CAMK2A: variants seen among roughly 807,000 people sequenced by gnomAD.
CAMK2A encodes the protein calcium/calmodulin-dependent protein kinase type II subunit alpha.
CAMK2A carries 7 observed loss-of-function variants against 79.2 expected under a neutral mutation model. The observed-to-expected ratio is 0.09, with a 90% CI of 0.05 to 0.17. The LOEUF is 0.17. Ranked by LOEUF, CAMK2A falls within the 10% of genes least tolerant of loss-of-function variation. The pLI is 1.00. For synonymous variants in CAMK2A, 242 were observed against 251.7 expected (o/e 0.96, Z 0.36); for missense variants, 214 against 646.4 (o/e 0.33, Z 7.25).
intron 1 of CAMK2A, among the ~76,000 whole-genome samples, chr5:150,283,075 G>C (rs1757280823): frequency 6.6e-6 from 1 of 152,242 alleles, no homozygotes; most frequent in African/African-American, 2.4e-5. Flanking sequence ...TCTTCTGTCT[G>C]CTAAAGCCCC....
rs1265803181 is a variant in CAMK2A, at chr5:150,223,351, T to C, written c.1238-134A>G. 2 of 685,060 alleles carry C rather than the reference T, an allele frequency of 2.9e-6. No homozygotes were observed. Among genetic ancestry groups the C allele is most frequent in the East Asian group, 2.7e-5 (1 of 36,900 alleles). 42.4% of individuals were successfully genotyped at this position (685,060 alleles called of 1,614,324 possible). A position where few individuals can be genotyped will look rare whatever the true frequency, so the allele number is the denominator to read the frequency against. On this transcript the variant is annotated intron_variant, in intron 17 of 18. Coordinates refer to ENST00000671881, the MANE Select transcript of CAMK2A (RefSeq NM_015981.4). The surrounding 1 kb of genome is among the most constrained non-coding windows in gnomAD (Gnocchi z 4.1). The stretch of plus-strand genomic sequence containing the variant: ...GACTCATTTGCAGGGAAGGGGCCTG[T>C]GTGGCAGGACTCAGCTACCTGGGAT...
intron 7 of CAMK2A, among the ~76,000 whole-genome samples, chr5:150,253,071 T>A (rs1287879819): frequency 6.6e-6 from 1 of 152,208 alleles, no homozygotes; most frequent in Non-Finnish European, 1.5e-5. Flanking sequence ...TTTTTCCTCA[T>A]CTATAAAATC....
intron 10 of CAMK2A, 68 bp from the exon 11 acceptor site, chr5:150,250,377 C>T: frequency 7.6e-7 from 1 of 1,319,888 alleles, no homozygotes; most frequent in Non-Finnish European, 1.1e-6. Flanking sequence ...CCAAGGGTAC[C>T]CTTCAGCAGG....
intron 3 of CAMK2A, 103 bp downstream of exon 3, chr5:150,264,853 G>A: frequency 1.2e-6 from 1 of 831,044 alleles, no homozygotes; most frequent in Non-Finnish European, 2.1e-6. Flanking sequence ...CCCCAGAGAA[G>A]AGAGCAGCTG....
At chr5:150,264,093 T>C (rs1271452499) in intron 3 of CAMK2A, among the ~76,000 whole-genome samples, 1 of 152,174 alleles carries the variant, frequency 6.6e-6, no homozygotes, top group Non-Finnish European at 1.5e-5. Flanking sequence ...ACCTAGGCCC[T>C]GCTCCTCAGT....
At position 150,222,912 on chromosome 5, in the gene CAMK2A, T is replaced by C. The variant is rs73281739; in HGVS notation, c.1466+77A>G. 1,218 of 1,467,676 alleles carry C rather than the reference T, an allele frequency of 8.3e-4. 9 individuals are homozygous for C. In the African/African-American group the frequency reaches 0.015, roughly 19 times the overall value. 90.9% of individuals were successfully genotyped at this position (1,467,676 alleles called of 1,614,324 possible). ...CCTTTCAGAGCTGAAGGCAGCAGCT[T>C]CCCCGACGTAACCCCCTCCAGGGCA... On this transcript the variant is annotated intron_variant, in intron 18 of 18. Transcript: ENST00000671881.
At position 150,256,512 on chromosome 5, in the gene CAMK2A, A is replaced by T; in HGVS notation, c.411+61T>A. ...TGATAATGTCCAGCTCTGCAGGATT[A>T]GGGACGTGCAGAGGAGAGAGGGGCT... On this transcript the variant is annotated intron_variant, in intron 6 of 18. Transcript: ENST00000671881. This position sits in a 1 kb window ranked among gnomAD's most constrained non-coding sequence, Gnocchi z 4.6. The T allele has an allele frequency of 9.1e-7, 1 of 1,101,298 alleles. No homozygotes were observed. The allele number at this position is 1,101,298 out of a possible 1,614,324, so 68.2% of individuals were successfully genotyped here.
chr5:150,271,431 C>T (rs757041696), intron 2 of CAMK2A, among the ~76,000 whole-genome samples: 4 of 152,216 alleles, frequency 2.6e-5, no homozygotes, highest in South Asian at 4.1e-4. Flanking sequence ...AACACACAGT[C>T]CAACATGAGG....
rs1756083217 is a variant in CAMK2A at position 150,256,917 on chromosome 5, G to A, written c.273-86C>T. 8.3e-7 allele frequency: 1 copy of A among 1,205,304 alleles called. No individual in the cohort carries two copies. The highest frequency in any genetic ancestry group is 1.2e-6 in the Non-Finnish European group (1 of 848,428). The allele number at this position is 1,205,304 out of a possible 1,614,324, so 74.7% of individuals were successfully genotyped here. On this transcript the variant is annotated intron_variant, in intron 4 of 18. Transcript: ENST00000671881. This position sits in a 1 kb window ranked among gnomAD's most constrained non-coding sequence, Gnocchi z 4.6. ...GGAGTCTCCAGGAAACTAAGGATGG[G>A]GCCCAGGGACCTCAGGACCTCAGCC...
intron 17 of CAMK2A, among the ~76,000 whole-genome samples, chr5:150,227,502 C>T (rs1025835624): frequency 1.3e-5 from 2 of 152,194 alleles, no homozygotes; most frequent in Non-Finnish European, 2.9e-5. Flanking sequence ...CTGCATGATT[C>T]TAACCTGTGT....
intron 3 of CAMK2A, among the ~76,000 whole-genome samples, chr5:150,264,686 A>C (rs1756434409): frequency 6.6e-6 from 1 of 151,346 alleles, no homozygotes; most frequent in Admixed American, 6.6e-5. Context: ...CATCTCTCCC[A>C]GAGCTTTAGA....
intron 15 of CAMK2A, among the ~76,000 whole-genome samples, chr5:150,237,095 G>A (rs1382955483): frequency 6.6e-6 from 1 of 152,110 alleles, no homozygotes; most frequent in African/African-American, 2.4e-5. Context: ...GCCAGGTTGT[G>A]GTGATAGAGT....
chr5:150,265,850 G>A (rs1287193615), intron 2 of CAMK2A, among the ~76,000 whole-genome samples: 4 of 151,484 alleles, frequency 2.6e-5, no homozygotes, highest in Non-Finnish European at 5.9e-5. Context: ...GCTGAGGCAG[G>A]AGAATTGCTT....
At position 150,238,624 on chromosome 5, in the gene CAMK2A, C is replaced by G. The variant is rs369393719; in HGVS notation, c.1066+76G>C. On this transcript the variant is annotated intron_variant, in intron 15 of 18. Coordinates refer to ENST00000671881, the MANE Select transcript of CAMK2A (RefSeq NM_015981.4). ...AAGAAATGAGGTTGGCACGTGGGAGCTGTCAGGAAAAAGAGGTCTGCTCAG... is the reference window on the plus strand; with the variant it reads ...AAGAAATGAGGTTGGCACGTGGGAGGTGTCAGGAAAAAGAGGTCTGCTCAG... 12 of 1,371,592 alleles carry G rather than the reference C, an allele frequency of 8.7e-6. No homozygotes were observed. The East Asian group carries it at 3.0e-4, about 34-fold the overall frequency. 85.0% of individuals were successfully genotyped at this position (1,371,592 alleles called of 1,614,324 possible).
chr5:150,252,547 G>C (rs980249554), intron 7 of CAMK2A, among the ~76,000 whole-genome samples: 6 of 152,146 alleles, frequency 3.9e-5, no homozygotes, highest in African/African-American at 1.4e-4. Flanking sequence ...TTGCCCCTTG[G>C]GTACGTCTCT....
At chr5:150,249,337 C>T (rs1755723169) in intron 11 of CAMK2A, among the ~76,000 whole-genome samples, 1 of 152,204 alleles carries the variant, frequency 6.6e-6, no homozygotes, top group African/African-American at 2.4e-5. Context: ...TCCTCAGGGC[C>T]ACAATCACTG....
At chr5:150,269,891 A>G (rs1476600068) in intron 2 of CAMK2A, among the ~76,000 whole-genome samples, 1 of 152,172 alleles carries the variant, frequency 6.6e-6, no homozygotes, top group African/African-American at 2.4e-5. Flanking sequence ...GAACTGAATG[A>G]CACTCTAGTG....
At chr5:150,237,150 C>T (rs891188585) in intron 15 of CAMK2A, among the ~76,000 whole-genome samples, 4 of 152,192 alleles carry the variant, frequency 2.6e-5, no homozygotes, top group Admixed American at 6.5e-5. Context: ...GGGACACACA[C>T]GGGGCGGGTC....
chr5:150,236,157 C>A (rs1045378133), intron 15 of CAMK2A, among the ~76,000 whole-genome samples: 1 of 152,098 alleles, frequency 6.6e-6, no homozygotes, highest in African/African-American at 2.4e-5. Flanking sequence ...ATAATGACGG[C>A]AAATGTGAGA....
Sources: gnomAD v4.1 joint callset for allele counts (sites outside exome capture counted in the v4.1 genomes callset) on GRCh38, gnomAD v4.1.1 for gene constraint, Gnocchi (gnomAD v3.1) non-coding constraint, MANE v1.5 for transcripts, NCBI Gene and HGNC (gene_info 2026-07-23, HGNC 2026-07-21) for gene names.